The following PTPRM variants were observed in gnomAD, a reference collection of about 807,000 sequenced individuals.
The protein encoded by PTPRM is receptor-type tyrosine-protein phosphatase mu.
Under a neutral mutation model 186.7 loss-of-function variants are expected in PTPRM, and 47 were observed. The observed-to-expected ratio is 0.25, with a 90% CI of 0.20 to 0.32. The LOEUF is 0.32. Among genes scored for constraint, PTPRM ranks in the 10% least tolerant of loss-of-function variants. PTPRM has a pLI of 1.00. For synonymous variants in PTPRM, 668 were observed against 674.9 expected (o/e 0.99, Z 0.16); for missense variants, 1,494 against 1,865.0 (o/e 0.80, Z 3.66).
intron 2 of PTPRM, among the ~76,000 whole-genome samples, chr18:7,853,894 A>C (rs530553073): frequency 1.9e-4 from 29 of 152,296 alleles, no homozygotes; most frequent in African/African-American, 6.7e-4. Flanking sequence ...CAGTGGAATT[A>C]TATTTTCAGT....
chr18:7,773,624 C>T (rs144896685), intron 1 of PTPRM, among the ~76,000 whole-genome samples: 1,779 of 144,766 alleles, frequency 0.012, 40 homozygotes, highest in African/African-American at 0.042. Context: ...TTCGCCCTGT[C>T]GCCCAGGCTG....
chr18:8,351,001 A>C (rs1373489913), intron 23 of PTPRM, among the ~76,000 whole-genome samples: 1 of 152,094 alleles, frequency 6.6e-6, no homozygotes, highest in Non-Finnish European at 1.5e-5. Context: ...TGAGAGATTG[A>C]CTTCTGAGGT....
chr18:7,726,180 G>A (rs931161996), intron 1 of PTPRM, among the ~76,000 whole-genome samples: 2 of 152,074 alleles, frequency 1.3e-5, no homozygotes, highest in Admixed American at 6.6e-5. Context: ...CCTGTGAAGG[G>A]GTCAGGGAAA....
At chr18:7,985,492 G>T (rs888014796) in intron 7 of PTPRM, among the ~76,000 whole-genome samples, 4 of 136,732 alleles carry the variant, frequency 2.9e-5, no homozygotes, top group African/African-American at 7.8e-5. Flanking sequence ...TATACTGGTA[G>T]ATACGTATAT....
chr18:8,137,768 T>C (rs2092671527), intron 13 of PTPRM, among the ~76,000 whole-genome samples: 1 of 152,062 alleles, frequency 6.6e-6, no homozygotes, highest in Non-Finnish European at 1.5e-5. Flanking sequence ...GAGGCACTCT[T>C]CCCACCCAGC....
chr18:8,088,393 A>G (rs936975922), intron 10 of PTPRM, among the ~76,000 whole-genome samples: 1 of 152,238 alleles, frequency 6.6e-6, no homozygotes, highest in Non-Finnish European at 1.5e-5. Flanking sequence ...TTGAGAATTC[A>G]TATGTACAGA....
chr18:7,976,332 G>C (rs546734206), intron 7 of PTPRM, among the ~76,000 whole-genome samples: 234 of 152,270 alleles, frequency 1.5e-3, no homozygotes, highest in African/African-American at 5.2e-3. Context: ...GATCATAGAG[G>C]ACTTTTTCAG....
intron 9 of PTPRM, among the ~76,000 whole-genome samples, chr18:8,077,413 C>T (rs1354235340): frequency 6.6e-6 from 1 of 152,072 alleles, no homozygotes; most frequent in Non-Finnish European, 1.5e-5. Flanking sequence ...ACTAGCCTCA[C>T]ATTTATGTTT....
chr18:7,622,299 C>T (rs943899610), intron 1 of PTPRM, among the ~76,000 whole-genome samples: 1 of 151,712 alleles, frequency 6.6e-6, no homozygotes, highest in Non-Finnish European at 1.5e-5. Flanking sequence ...TGCATTATTC[C>T]TTTATCGATC....
rs572260272 is a variant in PTPRM, at chr18:8,218,938, G to A, written c.2301-25120G>A. On this transcript the variant is annotated intron_variant, in intron 14 of 32. Transcript: ENST00000580170. ...TAAAACCTCTCCATGAATGATCATA[G>A]CCAGGATTTCTTTCCAGAGAGGGCT... 4.6e-5 allele frequency among the ~76,000 whole-genome samples: 7 copies of A among 152,322 alleles called. No homozygotes were observed. In the East Asian group the frequency reaches 1.4e-3, roughly 29 times the overall value.
In PTPRM at chr18:8,118,666, G is replaced by C. The variant is rs1029582223; in HGVS notation, c.2167+3839G>C. On this transcript the variant is annotated intron_variant, in intron 13 of 32. Transcript: ENST00000580170. ...AATACAAAAATTAGCCGGGCGCAGT[G>C]GTGGGTGCCTTTAATCCCAGCTACT... 2.6e-5 allele frequency among the ~76,000 whole-genome samples: 4 copies of C among 151,890 alleles called. 1 individual carries two copies. Among genetic ancestry groups the C allele is most frequent in the Middle Eastern group, 6.3e-3 (2 of 316 alleles).
In PTPRM at chr18:7,651,968, C is replaced by A. The variant is rs1485016192; in HGVS notation, c.73+84077C>A. Among the ~76,000 whole-genome samples the A allele has an allele frequency of 7.9e-5, 12 of 152,046 alleles. 1 individual carries two copies. The highest frequency in any genetic ancestry group is 1.8e-4 in the Non-Finnish European group (12 of 68,012). On this transcript the variant is annotated intron_variant, in intron 1 of 32. Transcript: ENST00000580170. ...ACTACCATCAGAGTGAACAGGCAAC[C>A]CACAAAATGGGAGAAAATTTTCGCA... is the stretch of plus-strand genomic sequence containing the variant.
intron 6 of PTPRM, among the ~76,000 whole-genome samples, 187 bp downstream of exon 6, chr18:7,949,542 G>T (rs2052792632): frequency 6.6e-6 from 1 of 152,160 alleles, no homozygotes; most frequent in South Asian, 2.1e-4. Flanking sequence ...TTTGAAAAAT[G>T]TGTTTTATCT....
intron 1 of PTPRM, among the ~76,000 whole-genome samples, chr18:7,583,534 TA>T (rs1325584713): frequency 1.3e-5 from 2 of 152,218 alleles, no homozygotes; most frequent in African/African-American, 4.8e-5. Context: ...ATTTTGATGT[TA>T]AAACAATTGT....
chr18:7,661,870 A>C (rs1011504419), intron 1 of PTPRM, among the ~76,000 whole-genome samples: 1 of 152,122 alleles, frequency 6.6e-6, no homozygotes, highest in Non-Finnish European at 1.5e-5. Flanking sequence ...TGTTATTGCC[A>C]TTCTGATCTT....
intron 19 of PTPRM, among the ~76,000 whole-genome samples, chr18:8,256,927 C>A (rs2094580096): frequency 6.6e-6 from 1 of 152,148 alleles, no homozygotes; most frequent in Non-Finnish European, 1.5e-5. Flanking sequence ...GTGTCTTTGG[C>A]AAAGTAGGAT....
intron 13 of PTPRM, among the ~76,000 whole-genome samples, chr18:8,125,420 C>T (rs1213291987): frequency 2.0e-5 from 3 of 152,048 alleles, no homozygotes; most frequent in Non-Finnish European, 4.4e-5. Flanking sequence ...TACACATATA[C>T]ATACATGTAC....
intron 1 of PTPRM, among the ~76,000 whole-genome samples, chr18:7,626,536 G>A (rs144159921): frequency 1.3e-5 from 2 of 152,292 alleles, no homozygotes; most frequent in South Asian, 2.1e-4. Flanking sequence ...GATGACTTCT[G>A]CTGGTATGAC....
intron 13 of PTPRM, among the ~76,000 whole-genome samples, chr18:8,138,440 T>A (rs1298467329): frequency 6.6e-6 from 1 of 152,064 alleles, no homozygotes; most frequent in Non-Finnish European, 1.5e-5. Context: ...TACCAGCAGA[T>A]CCCACCCATG....
Sources: allele counts gnomAD v4.1 joint callset (sites outside exome capture counted in the v4.1 genomes callset), GRCh38; gene constraint gnomAD v4.1.1; transcripts MANE v1.5; gene names NCBI Gene and HGNC (gene_info 2026-07-23, HGNC 2026-07-21).